POU6F2: variants seen among roughly 807,000 people sequenced by gnomAD.
POU6F2 encodes POU class 6 homeobox 2.
A neutral mutation model predicts 71.3 loss-of-function variants in POU6F2; 31 were observed. The ratio of observed to expected loss-of-function variants is 0.43; its 90% CI spans 0.33 to 0.59. The LOEUF is 0.59. Among genes scored for constraint, POU6F2 ranks in the 20% least tolerant of loss-of-function variants. The pLI is 0.04. For missense variants in POU6F2, 783 were observed against 856.8 expected (o/e 0.91, Z 1.07); for synonymous variants, 347 against 355.7 (o/e 0.98, Z 0.27).
At chr7:39,014,845 T>G (rs1379618047) in intron 1 of POU6F2, among the ~76,000 whole-genome samples, 5 of 152,164 alleles carry the variant, frequency 3.3e-5, no homozygotes, top group Non-Finnish European at 7.3e-5. Context: ...CTTGGTGTAA[T>G]AAATGATGGC....
intron 4 of POU6F2, among the ~76,000 whole-genome samples, chr7:39,306,940 A>G (rs1785058477): frequency 1.3e-5 from 2 of 152,118 alleles, no homozygotes; most frequent in Non-Finnish European, 2.9e-5. Context: ...GGGCTTTACT[A>G]TTGCAATCTT....
chr7:39,014,718 A>AT (rs965705914), intron 1 of POU6F2, among the ~76,000 whole-genome samples: 19 of 150,582 alleles, frequency 1.3e-4, no homozygotes, highest in South Asian at 2.1e-4. Flanking sequence ...AAATTGCAAG[A>AT]TTTTTTTTTT....
Position 39,130,395 on chromosome 7 carries a change from T to C in POU6F2, c.277+44364T>C, listed in dbSNP as rs190175481. ...ACAGGATGCCTGATTTAGACGCACA[T>C]GGGCCATCCAAATGACTTAGTTGAC... On this transcript the variant is annotated intron_variant, in intron 2 of 9. Coordinates refer to ENST00000518318, the MANE Select transcript of POU6F2 (RefSeq NM_001370959.1). 6.6e-5 allele frequency among the ~76,000 whole-genome samples: 10 copies of C among 152,288 alleles called. No homozygotes were observed. In the East Asian group the frequency reaches 1.7e-3, roughly 26 times the overall value.
intron 1 of POU6F2, among the ~76,000 whole-genome samples, chr7:39,049,244 G>T (rs1045099720): frequency 1.3e-5 from 2 of 151,542 alleles, no homozygotes; most frequent in South Asian, 4.2e-4. Context: ...TTGGGTTTAG[G>T]TTGCTCTTAT....
intron 4 of POU6F2, among the ~76,000 whole-genome samples, chr7:39,300,390 C>T (rs1784930410): frequency 6.6e-6 from 1 of 152,078 alleles, no homozygotes; most frequent in African/African-American, 2.4e-5. Flanking sequence ...GAAGGTGTTT[C>T]AAAGTGCTGG....
At chr7:39,073,879 T>A (rs1406258178) in intron 1 of POU6F2, among the ~76,000 whole-genome samples, 2 of 152,188 alleles carry the variant, frequency 1.3e-5, no homozygotes, top group African/African-American at 4.8e-5. Context: ...ACTGGCTTAT[T>A]TAGAGAATGT....
chr7:39,219,422 T>A (rs1052461017), intron 4 of POU6F2, among the ~76,000 whole-genome samples: 3 of 152,180 alleles, frequency 2.0e-5, no homozygotes, highest in African/African-American at 7.2e-5. Flanking sequence ...CTTTTTTCCC[T>A]TCCTTTCTTC....
intron 6 of POU6F2, among the ~76,000 whole-genome samples, chr7:39,431,913 C>G (rs554991099): frequency 6.6e-6 from 1 of 152,326 alleles, no homozygotes; most frequent in Non-Finnish European, 1.5e-5. Context: ...AGCCAGAGCC[C>G]TTGAAGGCAA....
At chr7:39,141,792 A>G (rs1792509384) in intron 2 of POU6F2, among the ~76,000 whole-genome samples, 2 of 152,236 alleles carry the variant, frequency 1.3e-5, no homozygotes, top group Admixed American at 6.5e-5. Flanking sequence ...AGTATTAAAA[A>G]TATTGTCACA....
chr7:39,467,161 A>C lies in POU6F2; in HGVS notation c.*2475A>C, dbSNP rs1789090319. On this transcript the variant is annotated 3_prime_UTR_variant, in exon 10 of 10. Transcript: ENST00000518318. ...TCATCCGACAGTCGTAACACCATTC[A>C]TGTGCAGTGATTTTTTTATAGTTTT... The C allele has an allele frequency of 6.6e-6, 1 of 152,188 alleles. No individual in the cohort carries two copies. The highest frequency in any genetic ancestry group is 2.4e-5 in the African/African-American group (1 of 41,442). 9.4% of individuals were successfully genotyped at this position (152,188 alleles called of 1,614,324 possible).
intron 2 of POU6F2, among the ~76,000 whole-genome samples, chr7:39,134,131 C>T (rs978266402): frequency 2.0e-5 from 3 of 152,170 alleles, no homozygotes; most frequent in African/African-American, 4.8e-5. Flanking sequence ...CTGCCTTTGT[C>T]GTCCAAAATG....
At chr7:39,194,407 G>C (rs1793735598) in intron 2 of POU6F2, among the ~76,000 whole-genome samples, 1 of 152,202 alleles carries the variant, frequency 6.6e-6, no homozygotes, top group Non-Finnish European at 1.5e-5. Context: ...TGGGCTTCTG[G>C]GTCAGGTGGG....
intron 1 of POU6F2, among the ~76,000 whole-genome samples, chr7:39,077,277 A>T (rs571000815): frequency 6.6e-6 from 1 of 152,114 alleles, no homozygotes; most frequent in East Asian, 1.9e-4. Flanking sequence ...ATAAGTATAC[A>T]TGAAGCATGG....
At chr7:38,987,416 A>T (rs1046427577) in intron 1 of POU6F2, among the ~76,000 whole-genome samples, 2 of 152,172 alleles carry the variant, frequency 1.3e-5, no homozygotes, top group Admixed American at 1.3e-4. Flanking sequence ...AATGCTGTTT[A>T]TTAAGATAAT....
At chr7:38,978,620 C>T (rs1019571693) in intron 1 of POU6F2, among the ~76,000 whole-genome samples, 4 of 152,138 alleles carry the variant, frequency 2.6e-5, no homozygotes, top group African/African-American at 9.7e-5. Flanking sequence ...GAAGGGCAGG[C>T]TGCAAATTAA....
chr7:39,462,080 C>A (rs944882140), intron 9 of POU6F2, among the ~76,000 whole-genome samples: 2 of 152,156 alleles, frequency 1.3e-5, no homozygotes, highest in African/African-American at 4.8e-5. Context: ...ATTTTTAGTC[C>A]TAAAACGTGA....
rs879305618 is a variant in POU6F2, at chr7:39,466,748, G to A, written c.*2062G>A. 1 of 152,200 alleles carries A rather than the reference G, an allele frequency of 6.6e-6. No individual in the cohort carries two copies. The highest frequency in any genetic ancestry group is 2.4e-5 in the African/African-American group (1 of 41,448). The allele number at this position is 152,200 out of a possible 1,614,324, so 9.4% of individuals were successfully genotyped here. The stretch of plus-strand genomic sequence containing the variant: ...AACTCTAAAAGGAATCCTGGAAGTG[G>A]AACAAGTCACTCGTAAAGGTGTTTC... On this transcript the variant is annotated 3_prime_UTR_variant, in exon 10 of 10. Coordinates refer to ENST00000518318, the MANE Select transcript of POU6F2 (RefSeq NM_001370959.1).
intron 4 of POU6F2, among the ~76,000 whole-genome samples, chr7:39,309,663 A>G (rs6972647): frequency 0.83 from 126,499 of 152,238 alleles, 52,582 homozygotes; most frequent in Admixed American, 0.89. Flanking sequence ...ATAAAACATG[A>G]AGAAAGCCTA....
At chr7:39,227,351 G>A (rs1794483574) in intron 4 of POU6F2, among the ~76,000 whole-genome samples, 2 of 151,836 alleles carry the variant, frequency 1.3e-5, no homozygotes, top group South Asian at 4.2e-4. Context: ...TAAGAAAAGT[G>A]CTAGTCATTT....
Sources: allele counts gnomAD v4.1 joint callset (sites outside exome capture counted in the v4.1 genomes callset), GRCh38; gene constraint gnomAD v4.1.1; transcripts MANE v1.5; gene names NCBI Gene and HGNC (gene_info 2026-07-23, HGNC 2026-07-21).